FIGN: variants seen among roughly 807,000 people sequenced by gnomAD.
The protein encoded by FIGN is fidgetin, microtubule severing factor, also known as fidgetin.
In FIGN, 11 loss-of-function variants were observed where a neutral mutation model predicts 51.3. The observed-to-expected ratio is 0.21, with a 90% CI of 0.13 to 0.35. FIGN has a LOEUF of 0.35. Ranked by LOEUF, FIGN falls within the 10% of genes least tolerant of loss-of-function variation. The pLI, the probability that FIGN is intolerant of heterozygous loss-of-function variation, is 1.00. For missense variants in FIGN, 857 were observed against 943.6 expected, an observed-to-expected ratio of 0.91 and a Z score of 1.20; for synonymous variants, 407 against 363.2, an observed-to-expected ratio of 1.12 and a Z score of -1.37.
At chr2:163,612,335 TA>T (rs1260144743) in intron 2 of FIGN, 1 of 985,294 alleles carries the variant, frequency 1.0e-6, no homozygotes, top group Non-Finnish European at 1.2e-6. Context: ...ATACCTCTCT[TA>T]TTTGGTACTG....
intron 2 of FIGN, among the ~76,000 whole-genome samples, chr2:163,624,691 CATAT>C (rs55969954): frequency 7.1e-6 from 1 of 141,280 alleles, no homozygotes; most frequent in Admixed American, 7.1e-5. Context: ...TATATACATA[CATAT>C]ATATATATAT....
At chr2:163,689,596 G>C (rs1413660911) in intron 2 of FIGN, among the ~76,000 whole-genome samples, 3 of 152,178 alleles carry the variant, frequency 2.0e-5, no homozygotes, top group Non-Finnish European at 4.4e-5. Flanking sequence ...CAATCGAGTA[G>C]TGTTCAAGTA....
intron 2 of FIGN, among the ~76,000 whole-genome samples, chr2:163,633,526 AC>A (rs1267477097): frequency 6.6e-6 from 1 of 152,010 alleles, no homozygotes; most frequent in Non-Finnish European, 1.5e-5. Context: ...TCCTCCACAA[AC>A]CTGTTTCAGG....
chr2:163,733,035 G>C (rs981790543), intron 2 of FIGN, among the ~76,000 whole-genome samples: 1 of 152,086 alleles, frequency 6.6e-6, no homozygotes. Context: ...TCAGAGTAAA[G>C]AATTAGAAAA....
intron 2 of FIGN, among the ~76,000 whole-genome samples, chr2:163,727,059 G>T (rs1235625352): frequency 1.3e-5 from 2 of 151,796 alleles, no homozygotes; most frequent in Non-Finnish European, 2.9e-5. Context: ...CATCATTGAG[G>T]TATATTATTT....
chr2:163,699,830 G>A (rs1214308520), intron 2 of FIGN, among the ~76,000 whole-genome samples: 1 of 152,108 alleles, frequency 6.6e-6, no homozygotes, highest in African/African-American at 2.4e-5. Flanking sequence ...ATATTCAGGA[G>A]GCTGAATGAA....
At chr2:163,636,260 A>C (rs944897020) in intron 2 of FIGN, among the ~76,000 whole-genome samples, 8 of 151,990 alleles carry the variant, frequency 5.3e-5, no homozygotes, top group African/African-American at 1.9e-4. Flanking sequence ...AAAACTGCAT[A>C]CCCCTTGTTT....
intron 2 of FIGN, among the ~76,000 whole-genome samples, chr2:163,668,667 G>T (rs912984853): frequency 6.6e-6 from 1 of 152,164 alleles, no homozygotes; most frequent in South Asian, 2.1e-4. Flanking sequence ...TAGGCCAGGC[G>T]CAGTGGCTCA....
chr2:163,688,018 C>T (rs1049490792), intron 2 of FIGN, among the ~76,000 whole-genome samples: 8 of 152,138 alleles, frequency 5.3e-5, no homozygotes, highest in Admixed American at 3.9e-4. Flanking sequence ...AATAAATGTT[C>T]AGTAAATCTC....
chr2:163,647,545 CCAG>C (rs147975790), intron 2 of FIGN, among the ~76,000 whole-genome samples: 2,541 of 152,234 alleles, frequency 0.017, 78 homozygotes, highest in African/African-American at 0.058. Context: ...CACAGAGACT[CCAG>C]CAGGTCTACC....
chr2:163,725,180 T>G (rs911223451), intron 2 of FIGN, among the ~76,000 whole-genome samples: 1 of 152,144 alleles, frequency 6.6e-6, no homozygotes, highest in Non-Finnish European at 1.5e-5. Context: ...AAGTATCATA[T>G]TCCAGTGGCT....
chr2:163,625,216 T>C (rs1216652162), intron 2 of FIGN, among the ~76,000 whole-genome samples: 3 of 152,014 alleles, frequency 2.0e-5, no homozygotes, highest in East Asian at 3.9e-4. Flanking sequence ...CTTGCAGTCA[T>C]TGGATTATAC....
At chr2:163,627,762 GAAAC>G (rs926308231) in intron 2 of FIGN, among the ~76,000 whole-genome samples, 3 of 151,984 alleles carry the variant, frequency 2.0e-5, no homozygotes, top group Non-Finnish European at 4.4e-5. Flanking sequence ...ATATTTCCAT[GAAAC>G]AAACAAACAA....
rs2105299696 is a variant in FIGN at position 163,611,760 on chromosome 2, C to A, written c.72G>T (p.Gln24His). 1 of 1,612,868 alleles carries A rather than the reference C, an allele frequency of 6.2e-7. No homozygotes were observed. The highest frequency in any genetic ancestry group is 8.5e-7 in the Non-Finnish European group (1 of 1,178,930). ...WTPEHAQWPE[Q>H]HFDITSTTRS... ...GAGTGGTTGAGGTGATGTCAAAGTG[C>A]TGTTCTGGCCACTGGGCATGCTCTG... Residue 24 changes from glutamine (Q) to histidine (H), a missense_variant, in exon 3 of 3, where the codon CAG becomes CAT. By Grantham distance (24) the Gln-to-His change is conservative (BLOSUM62 0). Around this residue, in one of 3 missense-constraint regions of FIGN, gnomAD observed 56 missense variants for 75.3 expected, o/e 0.74. Coordinates refer to ENST00000333129, the MANE Select transcript of FIGN (RefSeq NM_018086.4).
intron 2 of FIGN, among the ~76,000 whole-genome samples, chr2:163,677,775 T>A (rs374442457): frequency 2.6e-5 from 4 of 152,218 alleles, no homozygotes; most frequent in African/African-American, 9.6e-5. Context: ...AGCCTGACAC[T>A]GTTGTCTTTG....
chr2:163,652,076 T>G (rs1683485509), intron 2 of FIGN, among the ~76,000 whole-genome samples: 1 of 152,146 alleles, frequency 6.6e-6, no homozygotes, highest in Non-Finnish European at 1.5e-5. Context: ...TTGGATATGT[T>G]TGAATGAAGG....
Position 163,611,678 on chromosome 2 carries a change from A to G in FIGN, c.154T>C (p.Tyr52His), listed in dbSNP as rs1045916933. ...GATATGTCATCATTCGCCCAGGCGT[A>G]CTGATAGGTGCGCTGCAGATGACCT... ...YRGHLQRTYQ[Y>H]AWANDDISAL... The change falls in exon 3 of 3, where the codon TAC becomes CAC. Residue 52 changes from tyrosine (Y) to histidine (H), a missense_variant. By Grantham distance (83) the Tyr-to-His change is moderately conservative. This residue lies in a region of FIGN where 56 missense variants were observed against 75.3 expected (regional missense o/e 0.74). Transcript: ENST00000333129. 5 of 1,614,056 alleles carry G rather than the reference A, an allele frequency of 3.1e-6. No individual in the cohort carries two copies. Among genetic ancestry groups the G allele is most frequent in the African/African-American group, 1.3e-5 (1 of 74,922 alleles).
At position 163,667,833 on chromosome 2, in the gene FIGN, T is replaced by C. The variant is rs546866235; in HGVS notation, c.26-56027A>G. ...TATGCCTTCCTCCCTCACAAGACTC[T>C]GAAACCTTGAGGGCAGGAACTGCAT... On this transcript the variant is annotated intron_variant, in intron 2 of 2. Coordinates refer to ENST00000333129, the MANE Select transcript of FIGN (RefSeq NM_018086.4). Among the ~76,000 whole-genome samples, 21 of 152,282 alleles carry C rather than the reference T, an allele frequency of 1.4e-4. 1 individual carries two copies. In the South Asian group the frequency reaches 4.4e-3, roughly 32 times the overall value.
intron 2 of FIGN, among the ~76,000 whole-genome samples, chr2:163,687,951 A>T (rs1684180199): frequency 6.6e-6 from 1 of 152,232 alleles, no homozygotes; most frequent in African/African-American, 2.4e-5. Context: ...GATGCTTTAC[A>T]AAGTGAGGTA....
Sources: gnomAD v4.1 joint callset for allele counts (sites outside exome capture counted in the v4.1 genomes callset) on GRCh38, gnomAD v4.1.1 for gene constraint, gnomAD v4.1.1 regional missense constraint, MANE v1.5 for transcripts, NCBI Gene and HGNC (gene_info 2026-07-23, HGNC 2026-07-21) for gene names.